Variants in XPR1 observed in about 807,000 individuals in gnomAD.
XPR1 encodes xenotropic and polytropic retrovirus receptor 1, also known as solute carrier family 53 member 1.
A neutral mutation model predicts 87.5 loss-of-function variants in XPR1; 28 were observed. The observed-to-expected ratio is 0.32, with a 90% CI of 0.24 to 0.44. XPR1 has a LOEUF of 0.44. Among genes scored for constraint, XPR1 ranks in the 20% least tolerant of loss-of-function variants. The pLI is 1.00. For synonymous variants in XPR1, 300 were observed against 306.1 expected, an observed-to-expected ratio of 0.98 and a Z score of 0.21; for missense variants, 559 against 862.3, an observed-to-expected ratio of 0.65 and a Z score of 4.41.
At chr1:180,744,720 G>A (rs1034411738) in intron 2 of XPR1, among the ~76,000 whole-genome samples, 3 of 142,110 alleles carry the variant, frequency 2.1e-5, no homozygotes, top group African/African-American at 8.0e-5. Flanking sequence ...GCACGATCTC[G>A]GCTCACTGCA....
chr1:180,694,606 G>A (rs764536824), intron 2 of XPR1, among the ~76,000 whole-genome samples: 1 of 151,866 alleles, frequency 6.6e-6, no homozygotes, highest in Non-Finnish European at 1.5e-5. Context: ...TTAGTACACT[G>A]GATCAATGTA....
chr1:180,812,374 T>A (rs141999284), intron 7 of XPR1, among the ~76,000 whole-genome samples: 29 of 152,326 alleles, frequency 1.9e-4, no homozygotes, highest in Middle Eastern at 3.4e-3. Context: ...TGTTCTCTCT[T>A]CTGAAAGATG....
intron 2 of XPR1, among the ~76,000 whole-genome samples, chr1:180,750,309 A>G (rs932282198): frequency 1.3e-5 from 2 of 152,148 alleles, no homozygotes; most frequent in Non-Finnish European, 2.9e-5. Context: ...TCCAGCTCCC[A>G]AAGGGGAAGA....
chr1:180,695,911 C>T (rs1397474810), intron 2 of XPR1, among the ~76,000 whole-genome samples: 3 of 151,764 alleles, frequency 2.0e-5, no homozygotes, highest in East Asian at 1.9e-4. Context: ...TTTGGTTATT[C>T]GGAGTCTTTT....
chr1:180,873,119 A>C (rs1214222518), intron 12 of XPR1, among the ~76,000 whole-genome samples: 1 of 152,196 alleles, frequency 6.6e-6, no homozygotes, highest in Non-Finnish European at 1.5e-5. Flanking sequence ...TTTCCTTGAG[A>C]TTAATAATGA....
chr1:180,865,200 T>A (rs1571904676), intron 12 of XPR1, among the ~76,000 whole-genome samples: 1 of 152,092 alleles, frequency 6.6e-6, no homozygotes, highest in Non-Finnish European at 1.5e-5. Flanking sequence ...ACCTAAACTA[T>A]AGCAATACCC....
intron 7 of XPR1, among the ~76,000 whole-genome samples, chr1:180,815,657 T>C (rs1281315027): frequency 6.6e-6 from 1 of 152,170 alleles, no homozygotes; most frequent in Non-Finnish European, 1.5e-5. Flanking sequence ...GTTGACTGTT[T>C]AGATTTTTTT....
intron 13 of XPR1, among the ~76,000 whole-genome samples, chr1:180,877,161 G>A (rs1038973714): frequency 1.3e-5 from 2 of 152,098 alleles, no homozygotes; most frequent in Non-Finnish European, 2.9e-5. Context: ...CTGTGTAGAC[G>A]TGAGAAAATC....
chr1:180,858,993 C>A (rs1200383399), intron 11 of XPR1, among the ~76,000 whole-genome samples: 1 of 4,182 alleles, frequency 2.4e-4, no homozygotes, highest in East Asian at 6.9e-3. Flanking sequence ...AGTCATAATT[C>A]AGTTTACCTT....
rs562844799 is a variant in XPR1, at chr1:180,684,017, T to G, written c.121+1606T>G. 2.9e-3 allele frequency among the ~76,000 whole-genome samples: 445 copies of G among 152,344 alleles called. 5 individuals carry two copies. The highest frequency in any genetic ancestry group is 0.01 in the African/African-American group (424 of 41,580). Reference sequence around the variant, plus strand: ...TTTTGTTGCCATTGCTTTTGGTGTTTTAGACATGAAGTCCTTGCCCATGCC... The same window carrying G: ...TTTTGTTGCCATTGCTTTTGGTGTTGTAGACATGAAGTCCTTGCCCATGCC... On this transcript the variant is annotated intron_variant, in intron 2 of 14. Transcript: ENST00000367590.
intron 1 of XPR1, among the ~76,000 whole-genome samples, chr1:180,643,394 G>C (rs978974025): frequency 6.6e-6 from 1 of 152,048 alleles, no homozygotes; most frequent in African/African-American, 2.4e-5. Context: ...ATAAAATAAT[G>C]GTGTATGTTG....
intron 14 of XPR1, 122 bp downstream of exon 14, chr1:180,880,419 C>T: frequency 2.8e-6 from 3 of 1,061,664 alleles, no homozygotes; most frequent in South Asian, 1.6e-5. Context: ...CCATTTTTCA[C>T]CTACAAAAAA....
chr1:180,639,524 G>A (rs566606924), intron 1 of XPR1, among the ~76,000 whole-genome samples: 14 of 152,140 alleles, frequency 9.2e-5, no homozygotes, highest in East Asian at 1.9e-4. Flanking sequence ...TTGACTATTC[G>A]TAAATAACTA....
At chr1:180,874,432 G>A (rs1652596499) in intron 13 of XPR1, among the ~76,000 whole-genome samples, 1 of 151,644 alleles carries the variant, frequency 6.6e-6, no homozygotes, top group African/African-American at 2.4e-5. Flanking sequence ...GCTCACTCCT[G>A]TAATCCCAAC....
chr1:180,726,755 C>CGGAGGG (rs1658365913), intron 2 of XPR1, among the ~76,000 whole-genome samples: 1 of 152,096 alleles, frequency 6.6e-6, no homozygotes, highest in African/African-American at 2.4e-5. Flanking sequence ...ACTCTTCTCA[C>CGGAGGG]CATTTTGGAG....
chr1:180,758,114 TACACACAC>T (rs71121050), intron 2 of XPR1, among the ~76,000 whole-genome samples: 86 of 141,184 alleles, frequency 6.1e-4, no homozygotes, highest in African/African-American at 2.0e-3. Flanking sequence ...TATAGAAGGA[TACACACAC>T]ACACACACAC....
intron 11 of XPR1, among the ~76,000 whole-genome samples, chr1:180,856,133 T>C (rs1652020552): frequency 6.6e-6 from 1 of 152,198 alleles, no homozygotes; most frequent in Non-Finnish European, 1.5e-5. Flanking sequence ...ATCTATCTAT[T>C]CTTATTCTTA....
chr1:180,770,638 T>G (rs571633801), intron 2 of XPR1, among the ~76,000 whole-genome samples: 1 of 152,318 alleles, frequency 6.6e-6, no homozygotes, highest in East Asian at 1.9e-4. Context: ...TCAGAGTATC[T>G]AATTTACTTT....
intron 2 of XPR1, among the ~76,000 whole-genome samples, chr1:180,766,589 C>T (rs1039698130): frequency 2.0e-5 from 3 of 151,684 alleles, no homozygotes; most frequent in Admixed American, 6.6e-5. Context: ...TAAAGTATTT[C>T]TAACATTAAA....
Sources: allele counts gnomAD v4.1 joint callset (sites outside exome capture counted in the v4.1 genomes callset), GRCh38; gene constraint gnomAD v4.1.1; transcripts MANE v1.5; gene names NCBI Gene and HGNC (gene_info 2026-07-23, HGNC 2026-07-21).